Variants in MYT1L observed in about 807,000 individuals in gnomAD.
The protein encoded by MYT1L is myelin transcription factor 1 like.
In MYT1L, 12 loss-of-function variants were observed where a neutral mutation model predicts 126.7. The ratio of observed to expected loss-of-function variants is 0.09; its 90% CI spans 0.06 to 0.15. The LOEUF is 0.15. Among genes scored for constraint, MYT1L ranks in the 10% least tolerant of loss-of-function variants. The pLI is 1.00. For synonymous variants in MYT1L, 541 were observed against 604.2 expected (o/e 0.90, Z 1.53); for missense variants, 979 against 1,585.2 (o/e 0.62, Z 6.49).
chr2:2,190,029 G>A (rs1286924746), intron 2 of MYT1L, among the ~76,000 whole-genome samples: 1 of 152,186 alleles, frequency 6.6e-6, no homozygotes, highest in Non-Finnish European at 1.5e-5. Flanking sequence ...CTGAGAGGAA[G>A]CCCAGGTAAC....
intron 1 of MYT1L, among the ~76,000 whole-genome samples, chr2:2,287,504 C>T (rs1254054166): frequency 2.6e-5 from 4 of 151,846 alleles, no homozygotes; most frequent in African/African-American, 4.8e-5. Context: ...TGAGTCAGTC[C>T]CAGTCTTTTT....
At chr2:2,140,801 T>G (rs561644567) in intron 3 of MYT1L, among the ~76,000 whole-genome samples, 14 of 152,312 alleles carry the variant, frequency 9.2e-5, no homozygotes, top group African/African-American at 3.1e-4. Context: ...ATTCCTGACC[T>G]CAGGTGATCC....
chr2:2,015,432 G>A (rs1416569097), intron 4 of MYT1L, among the ~76,000 whole-genome samples: 1 of 152,124 alleles, frequency 6.6e-6, no homozygotes, highest in Admixed American at 6.6e-5. Flanking sequence ...AGCTCCTCCC[G>A]CAGCTGGACC....
At chr2:1,918,991 C>T (rs36036460) in intron 10 of MYT1L, among the ~76,000 whole-genome samples, 4,563 of 152,218 alleles carry the variant, frequency 0.03, 94 homozygotes, top group Non-Finnish European at 0.046. Flanking sequence ...AAAAGAAATA[C>T]TGACAATCAT....
chr2:1,849,237 G>A (rs76601389), intron 19 of MYT1L, among the ~76,000 whole-genome samples: 10,287 of 151,972 alleles, frequency 0.068, 506 homozygotes, highest in African/African-American at 0.13. Context: ...CTGACATTAC[G>A]CCATGCCGGA....
At chr2:2,248,740 T>C (rs1355062224) in intron 2 of MYT1L, among the ~76,000 whole-genome samples, 4 of 152,166 alleles carry the variant, frequency 2.6e-5, no homozygotes. Context: ...ATCAGTGTCA[T>C]ACACAATATC....
chr2:1,861,869 T>G (rs796137237), intron 18 of MYT1L, among the ~76,000 whole-genome samples: 4 of 151,078 alleles, frequency 2.6e-5, no homozygotes, highest in Admixed American at 2.0e-4. Flanking sequence ...TAGATCTGCC[T>G]GCAGCCTGTG....
intron 2 of MYT1L, among the ~76,000 whole-genome samples, chr2:2,180,642 G>C (rs2091338020): frequency 6.6e-6 from 1 of 151,262 alleles, no homozygotes; most frequent in South Asian, 2.1e-4. Flanking sequence ...GTGTGCACCT[G>C]TATCTGTACC....
intron 1 of MYT1L, among the ~76,000 whole-genome samples, chr2:2,322,659 G>C (rs1407968754): frequency 6.6e-6 from 1 of 151,942 alleles, no homozygotes; most frequent in Non-Finnish European, 1.5e-5. Flanking sequence ...GAGCATCGTG[G>C]AGAAGGGGCT....
chr2:1,850,176 CCCTCCCCCTTCCTTCCTTCCTTCCTT>C (rs2043052087), intron 19 of MYT1L, among the ~76,000 whole-genome samples: 2 of 130,374 alleles, frequency 1.5e-5, no homozygotes, highest in African/African-American at 5.7e-5. Context: ...CTTCCCCTCC[CCCTCCCCCTTCCTTCCTTCCTTCCTT>C]CCTTCCTTCC....
At chr2:1,969,212 G>A (rs1015622045) in intron 8 of MYT1L, among the ~76,000 whole-genome samples, 5 of 152,202 alleles carry the variant, frequency 3.3e-5, no homozygotes, top group African/African-American at 1.2e-4. Flanking sequence ...CTGGGCCCCG[G>A]CGGGGGATGC....
intron 9 of MYT1L, among the ~76,000 whole-genome samples, chr2:1,935,615 C>CT (rs1025176011): frequency 6.6e-6 from 1 of 152,164 alleles, no homozygotes; most frequent in Non-Finnish European, 1.5e-5. Flanking sequence ...GAAGGAAGGG[C>CT]ACGTACTATT....
rs572111311 is a variant in MYT1L, at chr2:2,131,552, A to G, written c.-304+41320T>C. ...AGCCTTTGGACATATGGTTACAGAGATGACAAAGCACATTAGTAACTAAAT... is the reference window on the plus strand; with the variant it reads ...AGCCTTTGGACATATGGTTACAGAGGTGACAAAGCACATTAGTAACTAAAT... On this transcript the variant is annotated intron_variant, in intron 3 of 24. Transcript: ENST00000647738. 3.9e-5 allele frequency among the ~76,000 whole-genome samples: 6 copies of G among 152,284 alleles called. No homozygotes were observed. The South Asian group carries it at 1.0e-3, about 26-fold the overall frequency.
chr2:1,813,512 C>A (rs1422542252), intron 21 of MYT1L, among the ~76,000 whole-genome samples: 1 of 152,136 alleles, frequency 6.6e-6, no homozygotes, highest in African/African-American at 2.4e-5. Context: ...TGTGAGGAAC[C>A]GGGCCGTACA....
chr2:2,066,500 G>T (rs1333569154), intron 3 of MYT1L, among the ~76,000 whole-genome samples: 1 of 152,124 alleles, frequency 6.6e-6, no homozygotes, highest in Non-Finnish European at 1.5e-5. Flanking sequence ...CTGTACATTT[G>T]TTGTGAATTT....
intron 2 of MYT1L, among the ~76,000 whole-genome samples, chr2:2,277,721 A>G (rs902281290): frequency 1.8e-4 from 28 of 152,234 alleles, no homozygotes; most frequent in Admixed American, 7.9e-4. Context: ...GTAAAGGTAA[A>G]CTACAAATGG....
intron 8 of MYT1L, among the ~76,000 whole-genome samples, chr2:1,966,108 A>T (rs1030088641): frequency 4.6e-5 from 7 of 152,156 alleles, no homozygotes; most frequent in African/African-American, 1.7e-4. Flanking sequence ...GTGCTTTCTA[A>T]TTTCTGCCTG....
chr2:2,212,449 A>G (rs1301622324), intron 2 of MYT1L, among the ~76,000 whole-genome samples: 1 of 152,226 alleles, frequency 6.6e-6, no homozygotes, highest in Non-Finnish European at 1.5e-5. Flanking sequence ...AACAAATGTT[A>G]TATATGTAAC....
intron 1 of MYT1L, among the ~76,000 whole-genome samples, chr2:2,330,434 CAT>C (rs1174805102): frequency 1.3e-5 from 2 of 152,098 alleles, no homozygotes; most frequent in Non-Finnish European, 2.9e-5. Context: ...TACAAAAAGA[CAT>C]ATTTCTGTTA....
Sources: allele counts gnomAD v4.1 joint callset (sites outside exome capture counted in the v4.1 genomes callset), GRCh38; gene constraint gnomAD v4.1.1; transcripts MANE v1.5; gene names NCBI Gene and HGNC (gene_info 2026-07-23, HGNC 2026-07-21).